Variants in GRID1 observed in about 807,000 individuals in gnomAD.
GRID1 encodes glutamate ionotropic receptor delta type subunit 1.
Under a neutral mutation model 98.0 loss-of-function variants are expected in GRID1, and 28 were observed. That is an observed-to-expected ratio of 0.29 (90% CI 0.21 to 0.39). The LOEUF is 0.39. Ranked by LOEUF, GRID1 falls within the 10% of genes least tolerant of loss-of-function variation. The probability of loss-of-function intolerance (pLI) is 1.00; values close to 1 mark genes in which losing one functional copy is unlikely to be tolerated. For missense variants in GRID1, 1,111 were observed against 1,340.5 expected, an observed-to-expected ratio of 0.83 and a Z score of 2.67; for synonymous variants, 553 against 538.5, an observed-to-expected ratio of 1.03 and a Z score of -0.37.
At chr10:85,838,848 G>T (rs184680683) in intron 8 of GRID1, among the ~76,000 whole-genome samples, 1 of 152,086 alleles carries the variant, frequency 6.6e-6, no homozygotes, top group Non-Finnish European at 1.5e-5. Context: ...AAGCACAAGT[G>T]GCAAGCTGGA....
At chr10:85,917,973 G>A (rs955417982) in intron 4 of GRID1, among the ~76,000 whole-genome samples, 1 of 152,226 alleles carries the variant, frequency 6.6e-6, no homozygotes, top group Non-Finnish European at 1.5e-5. Context: ...CAGACTTTCA[G>A]GGAGGTCTTC....
chr10:86,297,956 T>C lies in GRID1; in HGVS notation c.235+65985A>G, dbSNP rs563644981. 4.6e-5 allele frequency among the ~76,000 whole-genome samples: 7 copies of C among 152,332 alleles called. No homozygotes were observed. In the South Asian group the frequency reaches 8.3e-4, roughly 18 times the overall value. The stretch of plus-strand genomic sequence containing the variant: ...TGTTGAGTTGTGGTAAAACCAATCT[T>C]CTTGCACACTGACAGGAAATGATCT... On this transcript the variant is annotated intron_variant, in intron 2 of 15. Coordinates refer to ENST00000327946, the MANE Select transcript of GRID1 (RefSeq NM_017551.3).
intron 8 of GRID1, among the ~76,000 whole-genome samples, chr10:85,751,206 C>T (rs1285026295): frequency 6.6e-6 from 1 of 152,120 alleles, no homozygotes; most frequent in Non-Finnish European, 1.5e-5. Flanking sequence ...TTCGAAGGCA[C>T]CTCTTCTGGT....
intron 8 of GRID1, among the ~76,000 whole-genome samples, chr10:85,804,889 G>A (rs1842608866): frequency 6.6e-6 from 1 of 151,548 alleles, no homozygotes; most frequent in South Asian, 2.1e-4. Flanking sequence ...TAAGTTTGGG[G>A]ACAAGGATGT....
intron 4 of GRID1, among the ~76,000 whole-genome samples, chr10:86,043,089 C>CA (rs555261686): frequency 2.9e-3 from 431 of 149,832 alleles, no homozygotes; most frequent in Non-Finnish European, 5.1e-3. Context: ...ACTGAGTTTC[C>CA]AAAAAAAAAG....
At chr10:86,125,932 A>G (rs1288319513) in intron 4 of GRID1, among the ~76,000 whole-genome samples, 1 of 152,220 alleles carries the variant, frequency 6.6e-6, no homozygotes. Flanking sequence ...TGTTTATGTT[A>G]TCGGTAAGGC....
chr10:86,266,680 C>A (rs914409714), intron 2 of GRID1, among the ~76,000 whole-genome samples: 14 of 152,234 alleles, frequency 9.2e-5, no homozygotes, highest in African/African-American at 3.4e-4. Flanking sequence ...AAGAAAAGGC[C>A]CACTGGGCCC....
At chr10:85,954,329 T>C (rs1422132380) in intron 4 of GRID1, among the ~76,000 whole-genome samples, 1 of 152,200 alleles carries the variant, frequency 6.6e-6, no homozygotes, top group African/African-American at 2.4e-5. Context: ...AATTATTGTA[T>C]CCAGCAAGCA....
chr10:86,111,718 A>C (rs541271588), intron 4 of GRID1, among the ~76,000 whole-genome samples: 2 of 152,348 alleles, frequency 1.3e-5, no homozygotes, highest in East Asian at 3.9e-4. Context: ...TCTGGTGTTC[A>C]CAGCTTCCCA....
intron 2 of GRID1, among the ~76,000 whole-genome samples, chr10:86,354,695 G>A (rs543421255): frequency 1.3e-5 from 2 of 152,380 alleles, no homozygotes; most frequent in South Asian, 4.1e-4. Context: ...AATAGAGCAA[G>A]GTAGGCCTGC....
rs66947723 is a variant in GRID1, at chr10:85,737,645, GATATATATATATAT to G, written c.1234-8045_1234-8032del. On this transcript the variant is annotated intron_variant, in intron 8 of 15. Coordinates refer to ENST00000327946, the MANE Select transcript of GRID1 (RefSeq NM_017551.3). ...TTGAACAACAACAACAGTAAAGCCA[GATATATATATATAT>G]ATATATATATATATAAACATATATG... Among the ~76,000 whole-genome samples the G allele has an allele frequency of 2.0e-4, 19 of 95,686 alleles. 2 individuals are homozygous for G. The highest frequency in any genetic ancestry group is 7.6e-4 in the African/African-American group (19 of 25,130). The allele number at this position is 95,686 out of a possible 152,430, so 62.8% of individuals were successfully genotyped here.
At chr10:85,994,274 C>T (rs1300053609) in intron 4 of GRID1, among the ~76,000 whole-genome samples, 3 of 152,240 alleles carry the variant, frequency 2.0e-5, no homozygotes, top group African/African-American at 4.8e-5. Flanking sequence ...GCAGCCTGAC[C>T]TGCCGGGTCT....
At chr10:86,274,449 A>G (rs1226270565) in intron 2 of GRID1, among the ~76,000 whole-genome samples, 1 of 152,252 alleles carries the variant, frequency 6.6e-6, no homozygotes, top group Non-Finnish European at 1.5e-5. Flanking sequence ...ACTGTGAAGA[A>G]AGTCATTGGT....
At chr10:86,277,317 G>T (rs1298043623) in intron 2 of GRID1, among the ~76,000 whole-genome samples, 2 of 152,158 alleles carry the variant, frequency 1.3e-5, no homozygotes, top group Admixed American at 1.3e-4. Flanking sequence ...GATCTTCTCT[G>T]TAAGAAATGC....
At chr10:85,985,436 G>A (rs77321412) in intron 4 of GRID1, among the ~76,000 whole-genome samples, 2,616 of 152,272 alleles carry the variant, frequency 0.017, 82 homozygotes, top group African/African-American at 0.06. Flanking sequence ...GAATTTGATC[G>A]ATAAATTAGG....
chr10:86,300,167 C>CT (rs1472974769), intron 2 of GRID1, among the ~76,000 whole-genome samples: 1 of 151,936 alleles, frequency 6.6e-6, no homozygotes. Context: ...GGGGATGCAT[C>CT]TACAAGCCAA....
intron 2 of GRID1, among the ~76,000 whole-genome samples, chr10:86,363,417 G>A (rs994899078): frequency 9.2e-5 from 14 of 152,230 alleles, no homozygotes; most frequent in African/African-American, 3.1e-4. Flanking sequence ...AGAAGCGCCG[G>A]GCTGAGGCTC....
chr10:85,807,368 A>AG lies in GRID1; in HGVS notation c.1233+47127dup, dbSNP rs1279313750. On this transcript the variant is annotated intron_variant, in intron 8 of 15. Coordinates refer to ENST00000327946, the MANE Select transcript of GRID1 (RefSeq NM_017551.3). ...CCATCTCCTCAAATAAAAAAAAAAA[A>AG]GGAAAGAAAAAGAATCTTGATTTAT... is the stretch of plus-strand genomic sequence containing the variant. 2.0e-5 allele frequency among the ~76,000 whole-genome samples: 3 copies of AG among 151,324 alleles called. No homozygotes were observed. In the East Asian group the frequency reaches 5.8e-4, roughly 29 times the overall value.
rs1363026363 is a variant in GRID1, at chr10:85,991,851, A to T, written c.727-75612T>A. ...GAAACAGAGCAATCACTGAAAGGGG[A>T]TGTGGAAAATGTGGGAGGAGGGTTG... On this transcript the variant is annotated intron_variant, in intron 4 of 15. Transcript: ENST00000327946. Among the ~76,000 whole-genome samples the T allele has an allele frequency of 2.0e-5, 3 of 149,592 alleles. 1 individual carries two copies. The highest frequency in any genetic ancestry group is 1.3e-4 in the Admixed American group (2 of 15,078).
Sources: allele counts gnomAD v4.1 joint callset (sites outside exome capture counted in the v4.1 genomes callset), GRCh38; gene constraint gnomAD v4.1.1; transcripts MANE v1.5; gene names NCBI Gene and HGNC (gene_info 2026-07-23, HGNC 2026-07-21).